The following TBC1D20 variants were observed in gnomAD, a reference collection of about 807,000 sequenced individuals.
The protein encoded by TBC1D20 is TBC1 domain family member 20.
In TBC1D20, 12 loss-of-function variants were observed where a neutral mutation model predicts 41.6. The observed-to-expected ratio is 0.29, with a 90% CI of 0.18 to 0.47. The LOEUF is 0.47. TBC1D20 is among the 20% of genes least tolerant of loss of function. TBC1D20 has a pLI of 1.00. For synonymous variants in TBC1D20, 205 were observed against 204.8 expected, an observed-to-expected ratio of 1.00 and a Z score of -0.01; for missense variants, 421 against 517.4, an observed-to-expected ratio of 0.81 and a Z score of 1.81.
intron 1 of TBC1D20, among the ~76,000 whole-genome samples, chr20:455,707 C>T (rs1283148264): frequency 1.3e-5 from 2 of 151,364 alleles, no homozygotes; most frequent in Non-Finnish European, 2.9e-5. Context: ...TCGAGGCGAG[C>T]GGATCACCTG....
intron 1 of TBC1D20, among the ~76,000 whole-genome samples, chr20:450,031 GT>G (rs2017415954): frequency 6.6e-6 from 1 of 151,938 alleles, no homozygotes; most frequent in South Asian, 2.1e-4. Flanking sequence ...ATTTTTTCCT[GT>G]TGTTTAAATA....
chr20:447,995 A>C lies in TBC1D20; in HGVS notation c.150T>G (p.Leu50=). The part of the protein sequence containing the change: ...LNSDPTDVAA[L]RRMAISEGGL... The stretch of plus-strand genomic sequence containing the variant: ...CTCCTTCACTGATAGCCATGCGTCT[A>C]AGGGCAGCCACATCAGTGGGATCAC... The change falls in exon 2 of 8, where the codon CTT becomes CTG. Residue 50 remains leucine, a synonymous_variant. Transcript: ENST00000354200. The C allele has an allele frequency of 1.2e-6, 2 of 1,614,156 alleles. No individual in the cohort carries two copies. The highest frequency in any genetic ancestry group is 1.3e-5 in the African/African-American group (1 of 75,062).
rs530488156 is a variant in TBC1D20 at position 449,456 on chromosome 20, G to A, written c.71-1382C>T. Among the ~76,000 whole-genome samples, 24 of 151,442 alleles carry A rather than the reference G, an allele frequency of 1.6e-4. No individual in the cohort carries two copies. The East Asian group carries it at 2.8e-3, about 17-fold the overall frequency. On this transcript the variant is annotated intron_variant, in intron 1 of 7. Transcript: ENST00000354200. ...CTAAAAATACAAAAATTAGCCAGGC[G>A]TGGTGGCATGCACCTGTAATCCCAG...
Position 453,198 on chromosome 20 carries a change from C to G in TBC1D20, c.71-5124G>C, listed in dbSNP as rs1200812832. ...AAAAAAAAAAAAAAAACAGGCTGGG[C>G]GCAGTGGCTCACGCCTGTAATCCTC... On this transcript the variant is annotated intron_variant, in intron 1 of 7. Coordinates refer to ENST00000354200, the MANE Select transcript of TBC1D20 (RefSeq NM_144628.4). Among the ~76,000 whole-genome samples the G allele has an allele frequency of 4.8e-5, 6 of 125,296 alleles. No homozygotes were observed. The South Asian group carries it at 1.6e-3, about 33-fold the overall frequency. 82.2% of individuals were successfully genotyped at this position (125,296 alleles called of 152,430 possible). A position where few individuals can be genotyped will look rare whatever the true frequency, so the allele number is the denominator to read the frequency against.
At chr20:455,533 G>A (rs536004079) in intron 1 of TBC1D20, among the ~76,000 whole-genome samples, 25 of 151,958 alleles carry the variant, frequency 1.6e-4, no homozygotes, top group African/African-American at 2.2e-4. Flanking sequence ...CAGGAGAATC[G>A]CTTGAACCCG....
rs2017175021 is a variant in TBC1D20, at chr20:439,074, AC to A, written c.956+33del. ...CCCTCGCTTCTGCTCATTTACAGCC[AC>A]CCCCATTCAACCAGTGTCCCAGCCT... On this transcript the variant is annotated intron_variant, in intron 7 of 7. Transcript: ENST00000354200. The surrounding 1 kb of genome is among the most constrained non-coding windows in gnomAD (Gnocchi z 4.6). The A allele has an allele frequency of 6.3e-7, 1 of 1,582,966 alleles. No homozygotes were observed. Among genetic ancestry groups the A allele is most frequent in the Non-Finnish European group, 8.6e-7 (1 of 1,164,244 alleles).
At chr20:448,103 C>T (rs372135039) in intron 1 of TBC1D20, 29 bp from the exon 2 acceptor site, 30 of 1,558,562 alleles carry the variant, frequency 1.9e-5, no homozygotes, top group African/African-American at 1.6e-4. Context: ...AAGAATTAGG[C>T]GCACATTCAG....
intron 1 of TBC1D20, among the ~76,000 whole-genome samples, chr20:448,786 C>T (rs1475513648): frequency 6.6e-6 from 1 of 151,230 alleles, no homozygotes; most frequent in Non-Finnish European, 1.5e-5. Context: ...GCCTTCCAAA[C>T]AGCTGGGACT....
rs941740933 is a variant in TBC1D20, at chr20:436,990, G to C, written c.*1596C>G. 1 of 152,212 alleles carries C rather than the reference G, an allele frequency of 6.6e-6. No individual in the cohort carries two copies. The highest frequency in any genetic ancestry group is 2.4e-5 in the African/African-American group (1 of 41,428). 9.4% of individuals were successfully genotyped at this position (152,212 alleles called of 1,614,324 possible). ...TAGTCAGGCGTGGTAGCAGGTGCCT[G>C]TAGTCCCAGCTACTCGGGAGGCTGA... On this transcript the variant is annotated 3_prime_UTR_variant, in exon 8 of 8. Transcript: ENST00000354200.
At chr20:446,942 CAT>C (rs1491151862) in intron 2 of TBC1D20, among the ~76,000 whole-genome samples, 3 of 128,586 alleles carry the variant, frequency 2.3e-5, no homozygotes, top group Admixed American at 8.8e-5. Context: ...ACAAAATACG[CAT>C]TTTTTTTTTT....
rs1476034562 is a variant in TBC1D20, at chr20:441,907, G to T, written c.474C>A (p.Gly158=). 6.2e-7 allele frequency: 1 copy of T among 1,613,994 alleles called. No homozygotes were observed. The highest frequency in any genetic ancestry group is 8.5e-7 in the Non-Finnish European group (1 of 1,180,010). The change falls in exon 4 of 8, where the codon GGC becomes GGA. Residue 158 remains glycine, a synonymous_variant. Coordinates refer to ENST00000354200, the MANE Select transcript of TBC1D20 (RefSeq NM_144628.4). ...CTACCAGGGATGTTGCCAGCCTCTC[G>T]CCTACCACCAGCAGAAATGTGACCA... ...DIVVTFLLVV[G]ERLATSLVEK... is the part of the protein sequence containing the mutation.
At chr20:457,164 C>A (rs545694028) in intron 1 of TBC1D20, among the ~76,000 whole-genome samples, 15 of 151,574 alleles carry the variant, frequency 9.9e-5, no homozygotes, top group Admixed American at 8.5e-4. Context: ...TCGAACTCCC[C>A]ACCTCAGGTG....
At chr20:460,600 C>G (rs925980059) in intron 1 of TBC1D20, among the ~76,000 whole-genome samples, 1 of 152,070 alleles carries the variant, frequency 6.6e-6, no homozygotes, top group Admixed American at 6.6e-5. Flanking sequence ...AAAACAGTAT[C>G]CAAATTAGCA....
At position 442,057 on chromosome 20, in the gene TBC1D20, C is replaced by A; in HGVS notation, c.338-14G>T. The A allele has an allele frequency of 6.2e-7, 1 of 1,601,830 alleles. No homozygotes were observed. Among genetic ancestry groups the A allele is most frequent in the Non-Finnish European group, 8.5e-7 (1 of 1,171,830 alleles). ...CCTCTGGCATGCCTGGGGACAGGAA[C>A]AGAGATGCCTTTGAACATACCAAGC... On this transcript the variant is annotated splice_polypyrimidine_tract_variant and intron_variant, in intron 3 of 7. Transcript: ENST00000354200.
At chr20:446,577 G>C (rs1247260059) in intron 2 of TBC1D20, among the ~76,000 whole-genome samples, 1 of 152,024 alleles carries the variant, frequency 6.6e-6, no homozygotes, top group Non-Finnish European at 1.5e-5. Flanking sequence ...CTGACCTCAA[G>C]TGATTCACCT....
intron 7 of TBC1D20, 83 bp from the exon 8 acceptor site, chr20:438,924 G>C: frequency 1.3e-6 from 2 of 1,548,952 alleles, no homozygotes. Flanking sequence ...GCTGCGGGCA[G>C]AGCCTTTCAT....
At chr20:446,943 A>AGTTTT (rs1491315984) in intron 2 of TBC1D20, among the ~76,000 whole-genome samples, 1 of 75,890 alleles carries the variant, frequency 1.3e-5, no homozygotes. Context: ...CAAAATACGC[A>AGTTTT]TTTTTTTTTT....
At chr20:447,123 ATTTTTTTT>A (rs752849594) in intron 2 of TBC1D20, among the ~76,000 whole-genome samples, 3 of 107,278 alleles carry the variant, frequency 2.8e-5, no homozygotes, top group Non-Finnish European at 5.8e-5. Context: ...TAATGTTCGT[ATTTTTTTT>A]TTTTTTTTTT....
rs542960012 is a variant in TBC1D20 at position 455,713 on chromosome 20, A to T, written c.70+6623T>A. 4.2e-4 allele frequency among the ~76,000 whole-genome samples: 64 copies of T among 152,142 alleles called. 2 individuals are homozygous for T. The highest frequency in any genetic ancestry group is 6.8e-3 in the Middle Eastern group (2 of 294). On this transcript the variant is annotated intron_variant, in intron 1 of 7. Transcript: ENST00000354200. ...TTTGGGAAGTCGAGGCGAGCGGATCACCTGAGGTCAGGCGTTCGAGACCAG... is the reference window on the plus strand; with the variant it reads ...TTTGGGAAGTCGAGGCGAGCGGATCTCCTGAGGTCAGGCGTTCGAGACCAG...
Sources: gnomAD v4.1 joint callset for allele counts (sites outside exome capture counted in the v4.1 genomes callset) on GRCh38, gnomAD v4.1.1 for gene constraint, Gnocchi (gnomAD v3.1) non-coding constraint, MANE v1.5 for transcripts, NCBI Gene and HGNC (gene_info 2026-07-23, HGNC 2026-07-21) for gene names.